VIT: variants seen among roughly 807,000 people sequenced by gnomAD.
VIT encodes vitrin.
A neutral mutation model predicts 78.0 loss-of-function variants in VIT; 99 were observed. The ratio of observed to expected loss-of-function variants is 1.27; its 90% CI spans 1.08 to 1.50. VIT has a LOEUF of 1.50. VIT is among the 40% of genes most tolerant of loss of function. The probability of loss-of-function intolerance (pLI) is 0.00; values close to 1 mark genes in which losing one functional copy is unlikely to be tolerated. For synonymous variants in VIT, 374 were observed against 334.3 expected (o/e 1.12, Z -1.29); for missense variants, 1,126 against 875.3 (o/e 1.29, Z -3.61).
intron 6 of VIT, among the ~76,000 whole-genome samples, chr2:36,760,596 C>T (rs951366529): frequency 2.0e-5 from 3 of 152,148 alleles, no homozygotes; most frequent in African/African-American, 7.2e-5. Flanking sequence ...TGACAGGTCT[C>T]CTTAAGTGGC....
In VIT at chr2:36,804,389, A is replaced by C. The variant is rs184919821; in HGVS notation, c.1163-1049A>C. Among the ~76,000 whole-genome samples, 5 of 152,338 alleles carry C rather than the reference A, an allele frequency of 3.3e-5. No individual in the cohort carries two copies. The East Asian group carries it at 9.7e-4, about 29-fold the overall frequency. ...AACACAGCTCTGTACAGCCAGCAGG[A>C]GCCTCAGGCTCACCCCAGGCTGCAG... On this transcript the variant is annotated intron_variant, in intron 13 of 15. Transcript: ENST00000379242.
At chr2:36,775,446 G>A (rs1669994509) in intron 9 of VIT, among the ~76,000 whole-genome samples, 1 of 152,154 alleles carries the variant, frequency 6.6e-6, no homozygotes, top group Non-Finnish European at 1.5e-5. Context: ...ATGGGGGATG[G>A]TTGGCAAGGA....
At chr2:36,758,571 G>A (rs913959588) in intron 5 of VIT, among the ~76,000 whole-genome samples, 109 of 152,352 alleles carry the variant, frequency 7.2e-4, no homozygotes, top group Admixed American at 7.1e-3. Flanking sequence ...GTCTGTGAAA[G>A]TGAGCCTATG....
At chr2:36,714,488 G>C (rs1290747823) in intron 1 of VIT, among the ~76,000 whole-genome samples, 3 of 152,160 alleles carry the variant, frequency 2.0e-5, no homozygotes, top group African/African-American at 7.2e-5. Context: ...GAACACAGCA[G>C]AGGGTAGAGT....
In VIT at chr2:36,805,907, G is replaced by A. The variant is rs550649675; in HGVS notation, c.1389+243G>A. ...CGAATTCTCAGCTAGGTTCTTCCTTGCTCCTTCCACAGCCCCAGGGGGGGT... is the reference window on the plus strand; with the variant it reads ...CGAATTCTCAGCTAGGTTCTTCCTTACTCCTTCCACAGCCCCAGGGGGGGT... On this transcript the variant is annotated intron_variant, in intron 14 of 15. Coordinates refer to ENST00000379242, the MANE Select transcript of VIT (RefSeq NM_053276.4). Among the ~76,000 whole-genome samples, 5 of 152,210 alleles carry A rather than the reference G, an allele frequency of 3.3e-5. No homozygotes were observed. The East Asian group carries it at 7.7e-4, about 24-fold the overall frequency.
intron 3 of VIT, among the ~76,000 whole-genome samples, chr2:36,735,723 A>C (rs1159838011): frequency 6.6e-6 from 1 of 152,136 alleles, no homozygotes. Flanking sequence ...ACTGGAACCT[A>C]TTTGGCCACT....
At chr2:36,780,519 C>A (rs1368165011) in intron 9 of VIT, among the ~76,000 whole-genome samples, 1 of 152,186 alleles carries the variant, frequency 6.6e-6, no homozygotes, top group Non-Finnish European at 1.5e-5. Context: ...CTTGCCCAAT[C>A]TGCTTATATT....
chr2:36,768,694 G>A (rs896294790), intron 7 of VIT, among the ~76,000 whole-genome samples: 2 of 152,122 alleles, frequency 1.3e-5, no homozygotes, highest in Non-Finnish European at 2.9e-5. Flanking sequence ...CCTTGCAGGG[G>A]AGCATCCCTG....
intron 2 of VIT, among the ~76,000 whole-genome samples, chr2:36,722,343 G>T (rs773708209): frequency 4.6e-5 from 7 of 152,184 alleles, no homozygotes; most frequent in Admixed American, 2.6e-4. Context: ...CATTAGCCAA[G>T]GGGTTAAAAC....
intron 9 of VIT, among the ~76,000 whole-genome samples, chr2:36,778,109 G>C (rs1459288762): frequency 2.6e-5 from 4 of 152,216 alleles, no homozygotes; most frequent in South Asian, 4.1e-4. Context: ...AAGGGGATCT[G>C]TTATTTAATT....
rs1665163965 is a variant in VIT, at chr2:36,787,227, G to A, written c.1009G>A (p.Ala337Thr). 6.2e-7 allele frequency: 1 copy of A among 1,614,158 alleles called. No individual in the cohort carries two copies. The highest frequency in any genetic ancestry group is 1.1e-5 in the South Asian group (1 of 91,078). Residue 337 changes from alanine to threonine, a missense_variant, in exon 12 of 16, where the codon GCT becomes ACT. By Grantham distance (58) the Ala-to-Thr change is moderately conservative (BLOSUM62 0). Transcript: ENST00000379242. Reference protein sequence around the residue: ...QKQLLADVAQALDIGPAGPLM... With the variant: ...QKQLLADVAQTLDIGPAGPLM... ...GCAGCTCCTGGCTGATGTTGCCCAA[G>A]CTCTTGACATTGGCCCTGCCGGTCC...
intron 2 of VIT, among the ~76,000 whole-genome samples, chr2:36,727,062 T>C (rs1666900338): frequency 6.6e-6 from 1 of 152,128 alleles, no homozygotes; most frequent in African/African-American, 2.4e-5. Context: ...GAGGTTCTGC[T>C]CCTGTTTCTA....
intron 14 of VIT, among the ~76,000 whole-genome samples, chr2:36,806,039 T>A (rs1247203040): frequency 6.6e-6 from 1 of 152,060 alleles, no homozygotes; most frequent in Non-Finnish European, 1.5e-5. Context: ...CTTTCTCCTG[T>A]ATACACACAT....
chr2:36,758,457 T>C (rs1235977726), intron 5 of VIT, among the ~76,000 whole-genome samples: 1 of 152,226 alleles, frequency 6.6e-6, no homozygotes, highest in East Asian at 1.9e-4. Flanking sequence ...CTAGCTACCG[T>C]GTCTCCCCCT....
intron 12 of VIT, among the ~76,000 whole-genome samples, chr2:36,798,779 A>G (rs7576361): frequency 0.018 from 2,813 of 152,112 alleles, 89 homozygotes; most frequent in African/African-American, 0.065. Flanking sequence ...AATAGATAAA[A>G]TTTTTAAAAA....
intron 2 of VIT, among the ~76,000 whole-genome samples, chr2:36,724,133 C>T (rs1289790666): frequency 6.6e-6 from 1 of 151,910 alleles, no homozygotes; most frequent in Non-Finnish European, 1.5e-5. Flanking sequence ...ATTCTCCTAC[C>T]TCAGCCTCCC....
chr2:36,765,740 G>A (rs1669391547), intron 6 of VIT, among the ~76,000 whole-genome samples: 1 of 152,272 alleles, frequency 6.6e-6, no homozygotes, highest in Non-Finnish European at 1.5e-5. Context: ...GAAAGCAGAA[G>A]AGGCAAGACA....
At chr2:36,790,720 T>C (rs1280039613) in intron 12 of VIT, among the ~76,000 whole-genome samples, 1 of 152,322 alleles carries the variant, frequency 6.6e-6, no homozygotes, top group East Asian at 1.9e-4. Context: ...AAGCAGAGAT[T>C]TCGCTCATCT....
rs184853180 is a variant in VIT at position 36,775,757 on chromosome 2, G to A, written c.802+690G>A. Among the ~76,000 whole-genome samples the A allele has an allele frequency of 2.4e-4, 36 of 148,562 alleles. No individual in the cohort carries two copies. The South Asian group carries it at 2.7e-3, about 11-fold the overall frequency. Reference sequence around the variant, plus strand: ...GCAACTTTGCTCTGAGTGCCTCAGAGTCTCCCATGAACTCTCAGAGTGTTC... The same window carrying A: ...GCAACTTTGCTCTGAGTGCCTCAGAATCTCCCATGAACTCTCAGAGTGTTC... On this transcript the variant is annotated intron_variant, in intron 9 of 15. Transcript: ENST00000379242.
Sources: gnomAD v4.1 joint callset for allele counts (sites outside exome capture counted in the v4.1 genomes callset) on GRCh38, gnomAD v4.1.1 for gene constraint, MANE v1.5 for transcripts, NCBI Gene and HGNC (gene_info 2026-07-23, HGNC 2026-07-21) for gene names.